Variants in LRPAP1 observed in about 807,000 individuals in gnomAD.
LRPAP1 encodes alpha-2-macroglobulin receptor-associated protein.
In LRPAP1, 41 loss-of-function variants were observed where a neutral mutation model predicts 39.9. That is an observed-to-expected ratio of 1.03 (90% CI 0.80 to 1.33). The LOEUF (loss-of-function observed/expected upper bound fraction) is 1.33, where lower values mean the gene tolerates loss of function less well. Among genes scored for constraint, LRPAP1 ranks in the 40% most tolerant of loss-of-function variants. LRPAP1 has a pLI of 0.00. For missense variants in LRPAP1, 565 were observed against 482.3 expected (o/e 1.17, Z -1.61); for synonymous variants, 263 against 212.7 (o/e 1.24, Z -2.06).
Position 3,510,248 on chromosome 4 carries a change from G to A in LRPAP1, c.*2726C>T, listed in dbSNP as rs1240701013. On this transcript the variant is annotated 3_prime_UTR_variant, in exon 8 of 8. Transcript: ENST00000650182. Reference sequence around the variant, plus strand: ...GATCAAGACCTGCCTGGGCAACATAGTAAAACCCCGTCTCTACAAAAAAAA... The same window carrying A: ...GATCAAGACCTGCCTGGGCAACATAATAAAACCCCGTCTCTACAAAAAAAA... 1 of 152,028 alleles carries A rather than the reference G, an allele frequency of 6.6e-6. No individual in the cohort carries two copies. Among genetic ancestry groups the A allele is most frequent in the Non-Finnish European group, 1.5e-5 (1 of 68,022 alleles). 9.4% of individuals were successfully genotyped at this position (152,028 alleles called of 1,614,324 possible). A position where few individuals can be genotyped will look rare whatever the true frequency, so the allele number is the denominator to read the frequency against.
chr4:3,522,459 G>A (rs1729937518), intron 2 of LRPAP1, among the ~76,000 whole-genome samples: 1 of 150,088 alleles, frequency 6.7e-6, no homozygotes. Context: ...GGCCTCAGGA[G>A]CACCGAGCCC....
rs56322476 is a variant in LRPAP1, at chr4:3,522,599, G to A, written c.349+2308C>T. Among the ~76,000 whole-genome samples the A allele has an allele frequency of 6.7e-3, 183 of 27,214 alleles. 39 individuals carry two copies. The highest frequency in any genetic ancestry group is 0.033 in the East Asian group (8 of 242). The allele number at this position is 27,214 out of a possible 152,430, so 17.9% of individuals were successfully genotyped here. Reference sequence around the variant, plus strand: ...TCCCTGCCTGGGGAAGTCGGACGCCGCCCCACACCCCCTGCCTGGGGAGGA... The same window carrying A: ...TCCCTGCCTGGGGAAGTCGGACGCCACCCCACACCCCCTGCCTGGGGAGGA... On this transcript the variant is annotated intron_variant, in intron 2 of 7. Coordinates refer to ENST00000650182, the MANE Select transcript of LRPAP1 (RefSeq NM_002337.4).
At position 3,520,204 on chromosome 4, in the gene LRPAP1, G is replaced by C. The variant is rs1037847157; in HGVS notation, c.350-11C>G. 6.2e-7 allele frequency: 1 copy of C among 1,611,314 alleles called. No homozygotes were observed. The highest frequency in any genetic ancestry group is 1.7e-5 in the Admixed American group (1 of 59,648). ...ACTTGGCCAAGATGACTAGGAGAGA[G>C]GGGAGGTTCTATTTGATATGGTTTC... On this transcript the variant is annotated splice_polypyrimidine_tract_variant and intron_variant, in intron 2 of 7. Coordinates refer to ENST00000650182, the MANE Select transcript of LRPAP1 (RefSeq NM_002337.4).
intron 7 of LRPAP1, among the ~76,000 whole-genome samples, chr4:3,513,843 C>T (rs550785102): frequency 2.1e-4 from 31 of 149,898 alleles, no homozygotes; most frequent in Non-Finnish European, 3.3e-4. Flanking sequence ...TGCTCGTGGG[C>T]GCCACCTCCC....
chr4:3,510,675 CAATCAGGAGTCT>C lies in LRPAP1; in HGVS notation c.*2287_*2298del, dbSNP rs1487292101. 6.6e-6 allele frequency: 1 copy of C among 152,318 alleles called. No individual in the cohort carries two copies. The highest frequency in any genetic ancestry group is 1.5e-5 in the Non-Finnish European group (1 of 68,076). 9.4% of individuals were successfully genotyped at this position (152,318 alleles called of 1,614,324 possible). ...ACCCACACAACAGGCCGCCACGCGG[CAATCAGGAGTCT>C]GCCGCTGATCCACGCAAAAGCCTGG... On this transcript the variant is annotated 3_prime_UTR_variant, in exon 8 of 8. Coordinates refer to ENST00000650182, the MANE Select transcript of LRPAP1 (RefSeq NM_002337.4).
chr4:3,529,629 A>T (rs1730186216), intron 1 of LRPAP1, among the ~76,000 whole-genome samples: 1 of 152,198 alleles, frequency 6.6e-6, no homozygotes, highest in African/African-American at 2.4e-5. Flanking sequence ...TGAAAGAGGA[A>T]CTGGGAGAGT....
intron 1 of LRPAP1, among the ~76,000 whole-genome samples, chr4:3,531,519 G>A (rs527716813): frequency 2.0e-5 from 3 of 152,192 alleles, no homozygotes; most frequent in South Asian, 2.1e-4. Context: ...TCTTAATGAA[G>A]AGAGCAGCTG....
In LRPAP1 at chr4:3,518,148, T is replaced by C. The variant is rs1168586681; in HGVS notation, c.637A>G (p.Lys213Glu). The change falls in exon 5 of 8, where the codon AAG (lysine) becomes GAG (glutamate). Residue 213 changes from lysine (K) to glutamate (E), a missense_variant. Coordinates refer to ENST00000650182, the MANE Select transcript of LRPAP1 (RefSeq NM_002337.4). The part of the protein sequence containing the change: ...VISPSDLSDI[K>E]GSVLHSRHTE... ...TGCCTGCTGTGCAGGACGCTGCCCT[T>C]GATGTCGCTCAGGTCCGAGGGGCTA... 1.9e-6 allele frequency: 3 copies of C among 1,613,524 alleles called. No individual in the cohort carries two copies. Among genetic ancestry groups the C allele is most frequent in the Non-Finnish European group, 2.5e-6 (3 of 1,179,872 alleles).
rs1482930290 is a variant in LRPAP1, at chr4:3,505,030, G to A, written c.*7944C>T. Among the ~76,000 whole-genome samples, 3 of 152,196 alleles carry A rather than the reference G, an allele frequency of 2.0e-5. No homozygotes were observed. On this transcript the variant is annotated 3_prime_UTR_variant, in exon 8 of 8. Coordinates refer to ENST00000650182, the MANE Select transcript of LRPAP1 (RefSeq NM_002337.4). The stretch of plus-strand genomic sequence containing the variant: ...GGAAAGACAGGAACAGACCATTGGA[G>A]ACTTTAGGGATGGTTAGTGATACCA...
rs184016006 is a variant in LRPAP1, at chr4:3,519,459, A to G, written c.472-468T>C. On this transcript the variant is annotated intron_variant, in intron 3 of 7. Transcript: ENST00000650182. ...CCTCTCTCCCTCTCTGCCCCCTTCTACCGACTCCATCTCTCCTGGCCAAGG... is the reference window on the plus strand; with the variant it reads ...CCTCTCTCCCTCTCTGCCCCCTTCTGCCGACTCCATCTCTCCTGGCCAAGG... 6.0e-4 allele frequency among the ~76,000 whole-genome samples: 91 copies of G among 152,318 alleles called. No homozygotes were observed. The East Asian group carries it at 0.017, about 28-fold the overall frequency.
chr4:3,527,816 T>C (rs915913778), intron 1 of LRPAP1, among the ~76,000 whole-genome samples: 3 of 152,184 alleles, frequency 2.0e-5, no homozygotes, highest in Admixed American at 1.3e-4. Flanking sequence ...CACCAACCCC[T>C]GTAACTTGCA....
At chr4:3,532,134 TG>T (rs1730274670) in intron 1 of LRPAP1, 74 bp downstream of exon 1, 2 of 1,398,474 alleles carry the variant, frequency 1.4e-6, no homozygotes, top group East Asian at 5.2e-5. Context: ...CTCCGACCCC[TG>T]GGCCCCGCTC....
At chr4:3,515,032 G>A (rs945895575) in intron 6 of LRPAP1, 104 bp from the exon 7 acceptor site, 21 of 1,325,096 alleles carry the variant, frequency 1.6e-5, no homozygotes, top group South Asian at 1.3e-4. Flanking sequence ...CGCCATACCC[G>A]GGGCAGGACA....
intron 1 of LRPAP1, among the ~76,000 whole-genome samples, chr4:3,529,094 G>A (rs1342380679): frequency 2.6e-5 from 4 of 152,058 alleles, no homozygotes; most frequent in African/African-American, 4.8e-5. Context: ...AGGCAGAGGC[G>A]GGAGGATCAC....
In LRPAP1 at chr4:3,507,944, G is replaced by A. The variant is rs1328181264; in HGVS notation, c.*5030C>T. 1 of 152,194 alleles carries A rather than the reference G, an allele frequency of 6.6e-6. No individual in the cohort carries two copies. The highest frequency in any genetic ancestry group is 1.5e-5 in the Non-Finnish European group (1 of 68,036). 9.4% of individuals were successfully genotyped at this position (152,194 alleles called of 1,614,324 possible). A position where few individuals can be genotyped will look rare whatever the true frequency, so the allele number is the denominator to read the frequency against. On this transcript the variant is annotated 3_prime_UTR_variant, in exon 8 of 8. Transcript: ENST00000650182. ...TGTAAATTGTTTTGATAACTTAGATGAAATTCTGCGACAAACCTATCTTTA... is the reference window on the plus strand; with the variant it reads ...TGTAAATTGTTTTGATAACTTAGATAAAATTCTGCGACAAACCTATCTTTA...
chr4:3,526,007 G>A (rs558180800), intron 1 of LRPAP1, among the ~76,000 whole-genome samples: 4 of 152,336 alleles, frequency 2.6e-5, no homozygotes, highest in African/African-American at 9.6e-5. Context: ...AGGCTCTTCC[G>A]TGCAGAGCAG....
At chr4:3,517,966 C>A (rs1729772615) in intron 5 of LRPAP1, 68 bp downstream of exon 5, 11 of 1,523,814 alleles carry the variant, frequency 7.2e-6, no homozygotes, top group Non-Finnish European at 9.7e-6. Context: ...CACCTGCCTG[C>A]TTGTCCCCAA....
Position 3,512,103 on chromosome 4 carries a change from C to T in LRPAP1, c.*871G>A, listed in dbSNP as rs978492838. ...AGGCTCAGACACGGGAAGGGAACCA[C>T]GCCTGGAGCCAGACCCGAGCCTCTT... On this transcript the variant is annotated 3_prime_UTR_variant, in exon 8 of 8. Transcript: ENST00000650182. 1.3e-5 allele frequency: 2 copies of T among 150,820 alleles called. No individual in the cohort carries two copies. Among genetic ancestry groups the T allele is most frequent in the African/African-American group, 2.4e-5 (1 of 40,936 alleles). 9.3% of individuals were successfully genotyped at this position (150,820 alleles called of 1,614,324 possible). A position where few individuals can be genotyped will look rare whatever the true frequency, so the allele number is the denominator to read the frequency against.
intron 2 of LRPAP1, among the ~76,000 whole-genome samples, chr4:3,521,557 G>T (rs771494651): frequency 1.3e-5 from 2 of 152,152 alleles, no homozygotes; most frequent in Non-Finnish European, 1.5e-5. Flanking sequence ...CTTTCTCATC[G>T]ACACCACCCT....
Sources: gnomAD v4.1 joint callset for allele counts (sites outside exome capture counted in the v4.1 genomes callset) on GRCh38, gnomAD v4.1.1 for gene constraint, MANE v1.5 for transcripts, NCBI Gene and HGNC (gene_info 2026-07-23, HGNC 2026-07-21) for gene names.